LAMA1: variants seen among roughly 807,000 people sequenced by gnomAD.
LAMA1 encodes laminin subunit alpha-1.
In LAMA1, 219 loss-of-function variants were observed where a neutral mutation model predicts 348.7. The observed-to-expected ratio is 0.63, with a 90% CI of 0.56 to 0.70. LAMA1 has a LOEUF of 0.70. LAMA1 is among the 30% of genes least tolerant of loss of function. LAMA1 has a pLI of 0.00. For synonymous variants in LAMA1, 1,487 were observed against 1,491.0 expected (o/e 1.00, Z 0.06); for missense variants, 3,744 against 3,888.0 (o/e 0.96, Z 0.99).
chr18:7,045,536 A>G (rs1056405442), intron 6 of LAMA1, among the ~76,000 whole-genome samples: 1 of 152,166 alleles, frequency 6.6e-6, no homozygotes, highest in African/African-American at 2.4e-5. Context: ...GTAATGCTAA[A>G]AGAGATAAAC....
At chr18:6,961,194 TAAAG>T (rs2144006756) in intron 53 of LAMA1, among the ~76,000 whole-genome samples, 1 of 152,284 alleles carries the variant, frequency 6.6e-6, no homozygotes, top group East Asian at 1.9e-4. Context: ...CTATAATAGA[TAAAG>T]AAAGTCTTGC....
chr18:6,999,721 G>T, intron 31 of LAMA1, 83 bp from the exon 32 acceptor site: 1 of 1,298,410 alleles, frequency 7.7e-7, no homozygotes, highest in Non-Finnish European at 1.1e-6. Flanking sequence ...TCCGCCAAAT[G>T]AAATGCAAAG....
In LAMA1 at chr18:7,080,414, G is replaced by C. The variant is rs963516344; in HGVS notation, c.105C>G (p.Ile35Met). 1.2e-6 allele frequency: 2 copies of C among 1,614,274 alleles called. No individual in the cohort carries two copies. Among genetic ancestry groups the C allele is most frequent in the Non-Finnish European group, 8.5e-7 (1 of 1,180,052 alleles). ...TCTCGCCACAGGTGGCATTGGTGCT[G>C]ATGTGAGCATTGCTGGCAAGATTGA... Reference protein sequence around the residue: ...AILNLASNAHISTNATCGEKG... With the variant: ...AILNLASNAHMSTNATCGEKG... Residue 35 changes from isoleucine (I) to methionine (M), a missense_variant, in exon 2 of 63, where the codon ATC (isoleucine) becomes ATG (methionine). By Grantham distance (10) the Ile-to-Met change is conservative. Coordinates refer to ENST00000389658, the MANE Select transcript of LAMA1 (RefSeq NM_005559.4).
At chr18:7,005,973 T>G (rs972618102) in intron 29 of LAMA1, among the ~76,000 whole-genome samples, 1 of 152,098 alleles carries the variant, frequency 6.6e-6, no homozygotes, top group East Asian at 1.9e-4. Flanking sequence ...TGTTTCCTTG[T>G]GATTGGGCCA....
chr18:6,958,525 A>T lies in LAMA1; in HGVS notation c.7916T>A (p.Met2639Lys). 1 of 1,614,090 alleles carries T rather than the reference A, an allele frequency of 6.2e-7. No individual in the cohort carries two copies. The highest frequency in any genetic ancestry group is 8.5e-7 in the Non-Finnish European group (1 of 1,179,956). ...GATACAGCCATGGAACGATCTTCTC[A>T]TTGTGAGCAGTGACGTCCCCTCTCC... ...PEGEGTSLLTMRRSFHGCIKN... is the reference protein window; with the variant it reads ...PEGEGTSLLTKRRSFHGCIKN... Residue 2639 changes from methionine (M) to lysine (K), a missense_variant, in exon 55 of 63, where the codon ATG becomes AAG. Met to Lys is a moderately conservative substitution (Grantham distance 95, BLOSUM62 -1). Coordinates refer to ENST00000389658, the MANE Select transcript of LAMA1 (RefSeq NM_005559.4).
intron 19 of LAMA1, among the ~76,000 whole-genome samples, chr18:7,018,740 T>C (rs1026120415): frequency 5.9e-5 from 9 of 152,104 alleles, no homozygotes; most frequent in Admixed American, 3.3e-4. Flanking sequence ...ATGTACAGTG[T>C]GTGTCATGAC....
At chr18:6,984,516 C>T (rs1420700010) in intron 39 of LAMA1, among the ~76,000 whole-genome samples, 1 of 152,132 alleles carries the variant, frequency 6.6e-6, no homozygotes, top group African/African-American at 2.4e-5. Context: ...TCCTACACCC[C>T]AGACCCATTA....
intron 36 of LAMA1, among the ~76,000 whole-genome samples, chr18:6,990,589 G>A (rs1367993156): frequency 6.6e-6 from 1 of 152,064 alleles, no homozygotes; most frequent in Non-Finnish European, 1.5e-5. Context: ...ACTAACGTTC[G>A]CACCTTGGCT....
chr18:7,048,429 T>C (rs1426854148), intron 5 of LAMA1, among the ~76,000 whole-genome samples: 3 of 152,152 alleles, frequency 2.0e-5, no homozygotes, highest in Non-Finnish European at 4.4e-5. Context: ...TTTTTATTTT[T>C]TAAATAGAGT....
chr18:6,973,842 G>A (rs554342948), intron 46 of LAMA1, among the ~76,000 whole-genome samples: 4 of 152,310 alleles, frequency 2.6e-5, no homozygotes, highest in South Asian at 4.1e-4. Context: ...ACGCAGTGGT[G>A]TGATCATTGC....
Position 7,024,471 on chromosome 18 carries a change from C to G in LAMA1, c.2403-5G>C. On this transcript the variant is annotated splice_polypyrimidine_tract_variant and splice_region_variant and intron_variant, in intron 17 of 62. Transcript: ENST00000389658. ...AGGTGGCAGGTGGGGCTGAAACTGT[C>G]AAAACATTAGAAATGAACAAAATTT... 6.2e-7 allele frequency: 1 copy of G among 1,612,636 alleles called. No individual in the cohort carries two copies. Among genetic ancestry groups the G allele is most frequent in the Non-Finnish European group, 8.5e-7 (1 of 1,179,070 alleles).
In LAMA1 at chr18:7,013,926, A is replaced by G; in HGVS notation, c.3252T>C (p.Phe1084=). 1 of 1,613,876 alleles carries G rather than the reference A, an allele frequency of 6.2e-7. No individual in the cohort carries two copies. Among genetic ancestry groups the G allele is most frequent in the Non-Finnish European group, 8.5e-7 (1 of 1,179,852 alleles). ...CDQCSLGYRD[F]PDCVPCDCDL... is the part of the protein sequence containing the mutation. ...CACAGTCACAGGGAACACAGTCGGG[A>G]AAGTCTCTGTAACCCAAGGAACACT... Residue 1084 remains phenylalanine, a synonymous_variant, in exon 23 of 63, where the codon TTT becomes TTC. Transcript: ENST00000389658.
At chr18:7,046,156 G>GT (rs2058041192) in intron 6 of LAMA1, 122 bp downstream of exon 6, 10 of 646,974 alleles carry the variant, frequency 1.5e-5, no homozygotes, top group Admixed American at 5.8e-5. Flanking sequence ...CTGAAAATCT[G>GT]TTTTTTTGGA....
intron 6 of LAMA1, 78 bp from the exon 7 acceptor site, chr18:7,044,917 A>C: frequency 9.4e-7 from 1 of 1,058,398 alleles, no homozygotes; most frequent in Non-Finnish European, 1.5e-6. Flanking sequence ...AAAAGAACCT[A>C]TCTGTCAAAT....
chr18:7,065,249 A>C (rs1268154466), intron 3 of LAMA1, among the ~76,000 whole-genome samples: 1 of 151,004 alleles, frequency 6.6e-6, no homozygotes, highest in Admixed American at 6.6e-5. Flanking sequence ...AAAAAAAAAA[A>C]AAAACAACGA....
At chr18:6,961,793 T>C in intron 52 of LAMA1, 34 bp from the exon 53 acceptor site, 1 of 1,613,068 alleles carries the variant, frequency 6.2e-7, no homozygotes, top group Non-Finnish European at 8.5e-7. Context: ...GCATGGTGAG[T>C]TCCTAGCTGC....
At chr18:7,110,403 C>T (rs2058331202) in intron 1 of LAMA1, among the ~76,000 whole-genome samples, 1 of 152,104 alleles carries the variant, frequency 6.6e-6, no homozygotes, top group African/African-American at 2.4e-5. Flanking sequence ...ATGCCAAGAA[C>T]AGGAGAAACA....
At chr18:7,064,157 T>A (rs2058113243) in intron 3 of LAMA1, among the ~76,000 whole-genome samples, 1 of 147,700 alleles carries the variant, frequency 6.8e-6, no homozygotes, top group East Asian at 1.9e-4. Flanking sequence ...TATTGTGGAT[T>A]TTTTTTTGTT....
At chr18:7,013,500 C>T (rs532684295) in intron 23 of LAMA1, among the ~76,000 whole-genome samples, 36 of 152,252 alleles carry the variant, frequency 2.4e-4, no homozygotes, top group African/African-American at 7.0e-4. Flanking sequence ...TCACAAATCC[C>T]GAAGCCCTGA....
Sources: allele counts gnomAD v4.1 joint callset (sites outside exome capture counted in the v4.1 genomes callset), GRCh38; gene constraint gnomAD v4.1.1; transcripts MANE v1.5; gene names NCBI Gene and HGNC (gene_info 2026-07-23, HGNC 2026-07-21).